VCAN: variants seen among roughly 807,000 people sequenced by gnomAD.
VCAN encodes the protein versican core protein.
In VCAN, 44 loss-of-function variants were observed where a neutral mutation model predicts 245.5. That is an observed-to-expected ratio of 0.18 (90% CI 0.14 to 0.23). The LOEUF (loss-of-function observed/expected upper bound fraction) is 0.23, where lower values mean the gene tolerates loss of function less well. Ranked by LOEUF, VCAN falls within the 10% of genes least tolerant of loss-of-function variation. The pLI is 1.00. For synonymous variants in VCAN, 1,413 were observed against 1,437.0 expected, an observed-to-expected ratio of 0.98 and a Z score of 0.38; for missense variants, 3,793 against 4,057.9, an observed-to-expected ratio of 0.93 and a Z score of 1.77.
intron 9 of VCAN, 118 bp from the exon 10 acceptor site, chr5:83,547,853 A>T (rs957503248): frequency 3.7e-5 from 29 of 778,858 alleles, no homozygotes; most frequent in Non-Finnish European, 5.8e-5. Context: ...TACTTTTTTT[A>T]AAATCTGAAA....
chr5:83,525,962 C>T lies in VCAN; in HGVS notation c.4003+3653C>T, dbSNP rs555007011. 1.9e-4 allele frequency among the ~76,000 whole-genome samples: 28 copies of T among 151,032 alleles called. No homozygotes were observed. The East Asian group carries it at 2.3e-3, about 13-fold the overall frequency. Reference sequence around the variant, plus strand: ...AGTCATCACTTTTTTTTTTTTGCGACGGAGTCTTGCTCTGTTGCCCAGGCT... The same window carrying T: ...AGTCATCACTTTTTTTTTTTTGCGATGGAGTCTTGCTCTGTTGCCCAGGCT... On this transcript the variant is annotated intron_variant, in intron 7 of 14. Transcript: ENST00000265077.
rs990058748 is a variant in VCAN at position 83,539,475 on chromosome 5, C to T, written c.6472C>T (p.Leu2158=). 21 of 1,613,606 alleles carry T rather than the reference C, an allele frequency of 1.3e-5. No homozygotes were observed. The Admixed American group carries it at 2.3e-4, about 18-fold the overall frequency. ...TELKTTDYSV[L]TTKKTYSDDK... is the part of the protein sequence containing the mutation. ...ACTCAAAACCACAGATTATTCTGTA[C>T]TAACAACAAAGAAAACTTACAGTGA... Residue 2158 remains leucine (L), a synonymous_variant, in exon 8 of 15, where the codon CTA becomes TTA. Coordinates refer to ENST00000265077, the MANE Select transcript of VCAN (RefSeq NM_004385.5).
chr5:83,543,502 A>T (rs1302793739), intron 8 of VCAN, among the ~76,000 whole-genome samples: 1 of 152,214 alleles, frequency 6.6e-6, no homozygotes, highest in Non-Finnish European at 1.5e-5. Context: ...GAAAGAGTAA[A>T]ATAGAAAGTA....
intron 1 of VCAN, among the ~76,000 whole-genome samples, chr5:83,478,884 G>C (rs1261829385): frequency 6.6e-6 from 1 of 152,132 alleles, no homozygotes; most frequent in African/African-American, 2.4e-5. Context: ...TATGCAAAAT[G>C]GTGATATGTG....
intron 6 of VCAN, 161 bp downstream of exon 6, chr5:83,512,557 A>G: frequency 1.1e-6 from 1 of 931,700 alleles, no homozygotes; most frequent in South Asian, 1.8e-5. Context: ...ACTGAACAGC[A>G]GTGATATGGT....
chr5:83,507,863 T>C (rs1436878160), intron 5 of VCAN, among the ~76,000 whole-genome samples: 1 of 152,234 alleles, frequency 6.6e-6, no homozygotes, highest in African/African-American at 2.4e-5. Context: ...TTGAAAATGT[T>C]AACATCTTGA....
intron 5 of VCAN, among the ~76,000 whole-genome samples, chr5:83,507,401 CCTGT>C (rs768858762): frequency 3.3e-5 from 5 of 152,128 alleles, no homozygotes; most frequent in Admixed American, 6.5e-5. Flanking sequence ...CTGTGCATTC[CCTGT>C]CTAACTCTAA....
intron 7 of VCAN, among the ~76,000 whole-genome samples, chr5:83,526,009 G>A (rs757423901): frequency 2.6e-5 from 4 of 151,676 alleles, no homozygotes; most frequent in South Asian, 2.1e-4. Context: ...GAGTGATCTC[G>A]GCTCACTGCA....
At chr5:83,495,945 G>C (rs1745146270) in intron 5 of VCAN, among the ~76,000 whole-genome samples, 1 of 152,174 alleles carries the variant, frequency 6.6e-6, no homozygotes, top group African/African-American at 2.4e-5. Flanking sequence ...TACTCTGATA[G>C]AGCTACTATC....
chr5:83,473,632 G>T lies in VCAN; in HGVS notation c.-7+1609G>T, dbSNP rs370215230. Reference sequence around the variant, plus strand: ...CAGGGAGGGAGGAGCGAGGGAGGCGGTGCGCTCCTTCGGATCTGCCCCCAG... The same window carrying T: ...CAGGGAGGGAGGAGCGAGGGAGGCGTTGCGCTCCTTCGGATCTGCCCCCAG... On this transcript the variant is annotated intron_variant, in intron 1 of 14. Transcript: ENST00000265077. 9.8e-4 allele frequency among the ~76,000 whole-genome samples: 149 copies of T among 152,300 alleles called. 4 individuals are homozygous for T. The South Asian group carries it at 0.03, about 31-fold the overall frequency.
At chr5:83,555,277 A>G (rs141848794) in intron 12 of VCAN, among the ~76,000 whole-genome samples, 51 of 152,326 alleles carry the variant, frequency 3.3e-4, no homozygotes, top group Non-Finnish European at 6.0e-4. Context: ...CTATCAAACC[A>G]GAAAACCAGA....
intron 6 of VCAN, chr5:83,512,981 C>T (rs188511889): frequency 6.5e-6 from 1 of 152,746 alleles, no homozygotes; most frequent in African/African-American, 2.4e-5. Flanking sequence ...ATCATATTGA[C>T]GTACAATATG....
In VCAN at chr5:83,568,144, A is replaced by G. The variant is rs189334812; in HGVS notation, c.9736-4272A>G. Among the ~76,000 whole-genome samples, 14 of 151,988 alleles carry G rather than the reference A, an allele frequency of 9.2e-5. No homozygotes were observed. In the East Asian group the frequency reaches 2.5e-3, roughly 27 times the overall value. On this transcript the variant is annotated intron_variant, in intron 12 of 14. Coordinates refer to ENST00000265077, the MANE Select transcript of VCAN (RefSeq NM_004385.5). Reference sequence around the variant, plus strand: ...TGAAGCTAAAGTTAATTTTTTTTTTATATTTTCTCCCTACAAGTAATGTTA... The same window carrying G: ...TGAAGCTAAAGTTAATTTTTTTTTTGTATTTTCTCCCTACAAGTAATGTTA...
intron 1 of VCAN, among the ~76,000 whole-genome samples, chr5:83,479,563 C>T (rs923070953): frequency 2.6e-5 from 4 of 152,024 alleles, no homozygotes; most frequent in Admixed American, 6.6e-5. Context: ...TCAGGTCTTT[C>T]CATGCAGACA....
At chr5:83,478,540 C>T (rs916061205) in intron 1 of VCAN, among the ~76,000 whole-genome samples, 4 of 152,216 alleles carry the variant, frequency 2.6e-5, no homozygotes, top group East Asian at 1.9e-4. Context: ...TATCTGGAAA[C>T]AGTGTAAAGG....
chr5:83,564,390 T>A (rs558813460), intron 12 of VCAN, among the ~76,000 whole-genome samples: 2 of 152,200 alleles, frequency 1.3e-5, no homozygotes, highest in Non-Finnish European at 2.9e-5. Flanking sequence ...AGAATAATAC[T>A]ATCTGTAAAT....
intron 10 of VCAN, among the ~76,000 whole-genome samples, chr5:83,549,754 A>G (rs1012619024): frequency 2.6e-5 from 4 of 152,150 alleles, no homozygotes; most frequent in South Asian, 2.1e-4. Context: ...TTTGATTTTC[A>G]TGCACATTTT....
chr5:83,562,846 G>T (rs1747919566), intron 12 of VCAN, among the ~76,000 whole-genome samples: 1 of 141,830 alleles, frequency 7.1e-6, no homozygotes, highest in African/African-American at 2.5e-5. Context: ...TCTCACAGTG[G>T]TCTCACAGTG....
chr5:83,478,627 T>C (rs1744481073), intron 1 of VCAN, among the ~76,000 whole-genome samples: 1 of 152,198 alleles, frequency 6.6e-6, no homozygotes, highest in African/African-American at 2.4e-5. Flanking sequence ...AAAAATAACA[T>C]GGAAAAATTG....
Sources: gnomAD v4.1 joint callset for allele counts (sites outside exome capture counted in the v4.1 genomes callset) on GRCh38, gnomAD v4.1.1 for gene constraint, MANE v1.5 for transcripts, NCBI Gene and HGNC (gene_info 2026-07-23, HGNC 2026-07-21) for gene names.